NRXN1: variants seen among roughly 807,000 people sequenced by gnomAD.
NRXN1 encodes the protein neurexin-1.
NRXN1 carries 39 observed loss-of-function variants against 150.9 expected under a neutral mutation model. The observed-to-expected ratio is 0.26, with a 90% CI of 0.20 to 0.34. The LOEUF (loss-of-function observed/expected upper bound fraction) is 0.34, where lower values mean the gene tolerates loss of function less well. NRXN1 is among the 10% of genes least tolerant of loss of function. The probability of loss-of-function intolerance (pLI) is 1.00; values close to 1 mark genes in which losing one functional copy is unlikely to be tolerated. For synonymous variants in NRXN1, 924 were observed against 757.0 expected (o/e 1.22, Z -3.62); for missense variants, 1,815 against 1,949.9 (o/e 0.93, Z 1.30).
chr2:51,016,204 A>G (rs1668639525), intron 2 of NRXN1, among the ~76,000 whole-genome samples: 1 of 152,170 alleles, frequency 6.6e-6, no homozygotes, highest in Non-Finnish European at 1.5e-5. Flanking sequence ...ATGGGCAAAG[A>G]TTTCATGACT....
At chr2:50,712,186 G>C (rs1695255685) in intron 5 of NRXN1, among the ~76,000 whole-genome samples, 1 of 152,144 alleles carries the variant, frequency 6.6e-6, no homozygotes, top group African/African-American at 2.4e-5. Context: ...ACATTTTACA[G>C]ATTCAGAGAG....
At chr2:50,951,659 G>A (rs1691355799) in intron 2 of NRXN1, among the ~76,000 whole-genome samples, 1 of 151,870 alleles carries the variant, frequency 6.6e-6, no homozygotes, top group African/African-American at 2.4e-5. Flanking sequence ...ATGTAACACA[G>A]CTCCATTAGT....
chr2:49,937,385 G>C (rs1449788343), intron 22 of NRXN1, among the ~76,000 whole-genome samples: 1 of 152,094 alleles, frequency 6.6e-6, no homozygotes, highest in African/African-American at 2.4e-5. Context: ...TTCCTTGCCT[G>C]TTTAACTTTG....
intron 18 of NRXN1, among the ~76,000 whole-genome samples, chr2:50,167,870 A>C (rs2059783269): frequency 6.6e-6 from 1 of 152,204 alleles, no homozygotes; most frequent in Non-Finnish European, 1.5e-5. Flanking sequence ...GATTACATGC[A>C]TAGTAGACTT....
chr2:50,537,160 G>GT (rs2093280212), intron 10 of NRXN1, among the ~76,000 whole-genome samples: 1 of 152,060 alleles, frequency 6.6e-6, no homozygotes, highest in African/African-American at 2.4e-5. Context: ...TTCCTAGGAG[G>GT]TTTTCGGCAA....
At chr2:49,975,839 A>G (rs1678870678) in intron 21 of NRXN1, among the ~76,000 whole-genome samples, 1 of 152,150 alleles carries the variant, frequency 6.6e-6, no homozygotes, top group Non-Finnish European at 1.5e-5. Context: ...ATACAGCCTT[A>G]CAGGTGAAAT....
chr2:50,594,450 G>C (rs142058228), intron 8 of NRXN1, among the ~76,000 whole-genome samples: 11 of 152,250 alleles, frequency 7.2e-5, no homozygotes, highest in African/African-American at 2.6e-4. Flanking sequence ...GTAGGCGTAA[G>C]TATGGGTGAG....
chr2:50,221,169 AC>A (rs1412464708), intron 18 of NRXN1, among the ~76,000 whole-genome samples: 1 of 132,112 alleles, frequency 7.6e-6, no homozygotes, highest in Non-Finnish European at 1.7e-5. Context: ...GTGAAGACAA[AC>A]AACCTGTTGG....
intron 17 of NRXN1, among the ~76,000 whole-genome samples, chr2:50,368,558 A>G (rs2079773889): frequency 6.6e-6 from 1 of 151,996 alleles, no homozygotes; most frequent in South Asian, 2.1e-4. Flanking sequence ...CACATGAGGT[A>G]TGTTGGACAT....
intron 5 of NRXN1, among the ~76,000 whole-genome samples, chr2:50,717,438 T>C (rs1696011696): frequency 6.6e-6 from 1 of 152,202 alleles, no homozygotes; most frequent in South Asian, 2.1e-4. Context: ...GTGTTTGTAA[T>C]GGCCATAATG....
At chr2:50,788,638 A>G (rs1012581437) in intron 5 of NRXN1, among the ~76,000 whole-genome samples, 34 of 151,938 alleles carry the variant, frequency 2.2e-4, no homozygotes, top group Admixed American at 6.6e-4. Context: ...AGAGACAGAA[A>G]CCCTTTCGAG....
intron 2 of NRXN1, among the ~76,000 whole-genome samples, chr2:50,968,870 T>C (rs1481245422): frequency 1.3e-5 from 2 of 152,104 alleles, no homozygotes; most frequent in East Asian, 1.9e-4. Flanking sequence ...CTTCGTTCCA[T>C]GTCGACTCAT....
rs1345195916 is a variant in NRXN1, at chr2:50,346,174, C to T, written c.3365-109204G>A. ...TTGAGTGAGTCCCAGGACTGCTTCG[C>T]TGTCACTGCAGTCTGGGCGCACTTT... On this transcript the variant is annotated intron_variant, in intron 17 of 22. Coordinates refer to ENST00000401669, the MANE Select transcript of NRXN1 (RefSeq NM_001330078.2). The surrounding 1 kb of genome is among the most constrained non-coding windows in gnomAD (Gnocchi z 5.0). Among the ~76,000 whole-genome samples, 1 of 152,210 alleles carries T rather than the reference C, an allele frequency of 6.6e-6. No homozygotes were observed. Among genetic ancestry groups the T allele is most frequent in the Admixed American group, 6.5e-5 (1 of 15,290 alleles).
intron 15 of NRXN1, among the ~76,000 whole-genome samples, chr2:50,484,739 C>T (rs920305924): frequency 1.3e-5 from 2 of 152,160 alleles, no homozygotes; most frequent in Non-Finnish European, 2.9e-5. Flanking sequence ...TATATAGATG[C>T]TATGCAAGGC....
At chr2:50,350,194 A>G (rs2078308934) in intron 17 of NRXN1, among the ~76,000 whole-genome samples, 1 of 152,186 alleles carries the variant, frequency 6.6e-6, no homozygotes, top group Non-Finnish European at 1.5e-5. Context: ...CTTCCTTAAT[A>G]CATAATGTTG....
chr2:51,008,902 T>C (rs916183660), intron 2 of NRXN1, among the ~76,000 whole-genome samples: 1 of 151,814 alleles, frequency 6.6e-6, no homozygotes, highest in Admixed American at 6.6e-5. Flanking sequence ...TTTTAGGCAA[T>C]TTTTTCTTAA....
At chr2:50,307,152 T>C (rs1458394190) in intron 17 of NRXN1, among the ~76,000 whole-genome samples, 1 of 152,008 alleles carries the variant, frequency 6.6e-6, no homozygotes, top group African/African-American at 2.4e-5. Context: ...GCCCAGCTAA[T>C]TTTTGTATTT....
At chr2:50,817,156 A>T (rs977998858) in intron 5 of NRXN1, among the ~76,000 whole-genome samples, 4 of 152,138 alleles carry the variant, frequency 2.6e-5, no homozygotes, top group Non-Finnish European at 5.9e-5. Flanking sequence ...TCTTAAAAGG[A>T]GATACAACAG....
intron 2 of NRXN1, among the ~76,000 whole-genome samples, chr2:50,945,101 G>C (rs1279584315): frequency 6.6e-6 from 1 of 152,074 alleles, no homozygotes; most frequent in Non-Finnish European, 1.5e-5. Flanking sequence ...AAATATTTTA[G>C]GATTTCCCGA....
Sources: allele counts gnomAD v4.1 joint callset (sites outside exome capture counted in the v4.1 genomes callset), GRCh38; gene constraint gnomAD v4.1.1; non-coding constraint Gnocchi (gnomAD v3.1); transcripts MANE v1.5; gene names NCBI Gene and HGNC (gene_info 2026-07-23, HGNC 2026-07-21).